Variants in CPLX2 observed in about 807,000 individuals in gnomAD.
CPLX2 encodes the protein complexin-2.
In CPLX2, 5 loss-of-function variants were observed where a neutral mutation model predicts 16.3. The observed-to-expected ratio is 0.31, with a 90% CI of 0.16 to 0.64. The LOEUF is 0.64. CPLX2 is among the 30% of genes least tolerant of loss of function. The pLI is 0.79. For synonymous variants in CPLX2, 89 were observed against 73.2 expected, an observed-to-expected ratio of 1.22 and a Z score of -1.10; for missense variants, 144 against 181.4, an observed-to-expected ratio of 0.79 and a Z score of 1.18.
intron 1 of CPLX2, chr5:175,878,408 G>A (rs1755463724): frequency 2.2e-6 from 1 of 449,312 alleles, no homozygotes; most frequent in African/African-American, 2.0e-5. Flanking sequence ...TGAACAATAG[G>A]GTCAAGATGA....
chr5:175,828,500 C>T (rs748938074), intron 2 of CPLX2, among the ~76,000 whole-genome samples: 8 of 152,122 alleles, frequency 5.3e-5, no homozygotes, highest in Admixed American at 2.6e-4. Flanking sequence ...AATAGACTGC[C>T]GTATAAGCTA....
rs1759638699 is a variant in CPLX2, at chr5:175,872,094, A to C, written c.-89+389A>C. 1 of 152,062 alleles carries C rather than the reference A, an allele frequency of 6.6e-6. No individual in the cohort carries two copies. The highest frequency in any genetic ancestry group is 1.5e-5 in the Non-Finnish European group (1 of 68,054). 9.4% of individuals were successfully genotyped at this position (152,062 alleles called of 1,614,324 possible). ...AACTTTGAGCTCGCGGGAGTGGGGG[A>C]CGTCGATCTAAGCTACTTCTGGCTG... On this transcript the variant is annotated intron_variant, in intron 1 of 3. Coordinates refer to ENST00000393745, the MANE Select transcript of CPLX2 (RefSeq NM_001008220.2). This position sits in a 1 kb window ranked among gnomAD's most constrained non-coding sequence, Gnocchi z 5.0.
chr5:175,856,146 G>C (rs1391590037), intron 2 of CPLX2, among the ~76,000 whole-genome samples: 2 of 152,168 alleles, frequency 1.3e-5, no homozygotes, highest in African/African-American at 4.8e-5. Context: ...TGCGACCTTG[G>C]CAAGTTTCCT....
upstream of CPLX2, among the ~76,000 whole-genome samples, chr5:175,867,653 T>C (rs1234851673): frequency 3.3e-5 from 5 of 151,804 alleles, no homozygotes; most frequent in African/African-American, 9.7e-5. Flanking sequence ...CACGCTGACA[T>C]AGGAGTCACA....
upstream of CPLX2, among the ~76,000 whole-genome samples, chr5:175,868,458 C>T (rs1176407269): frequency 6.6e-6 from 1 of 152,208 alleles, no homozygotes; most frequent in East Asian, 1.9e-4. Flanking sequence ...CCTCCTCCTG[C>T]CCCCAGGGCT....
chr5:175,801,649 A>G (rs1236184187), intron 1 of CPLX2, among the ~76,000 whole-genome samples: 1 of 152,224 alleles, frequency 6.6e-6, no homozygotes, highest in Admixed American at 6.5e-5. Flanking sequence ...GAGTCCAAAG[A>G]CTTATTTCAA....
At chr5:175,844,777 T>C (rs11738108) in intron 2 of CPLX2, among the ~76,000 whole-genome samples, 8,046 of 152,278 alleles carry the variant, frequency 0.053, 309 homozygotes, top group African/African-American at 0.1. Flanking sequence ...GGCGTGGATT[T>C]AAAAAGTGCC....
At chr5:175,855,112 G>T (rs1450895693) in intron 2 of CPLX2, among the ~76,000 whole-genome samples, 1 of 152,182 alleles carries the variant, frequency 6.6e-6, no homozygotes, top group Non-Finnish European at 1.5e-5. Context: ...GAGGACCTGG[G>T]GATTAAAGGG....
In CPLX2 at chr5:175,830,223, C is replaced by T. The variant is rs891068399; in HGVS notation, c.-89+21155C>T. Among the ~76,000 whole-genome samples, 3 of 152,204 alleles carry T rather than the reference C, an allele frequency of 2.0e-5. No homozygotes were observed. The highest frequency in any genetic ancestry group is 7.2e-5 in the African/African-American group (3 of 41,430). On this transcript the variant is annotated intron_variant, in intron 2 of 4. Coordinates refer to the CPLX2 transcript ENST00000359546. The surrounding 1 kb of genome is among the most constrained non-coding windows in gnomAD (Gnocchi z 4.0). Reference sequence around the variant, plus strand: ...GCCACAGAGCTGCCCTGGTTCCCTGCCCCCGGGGGAGCACAGCCCAGCAAG... The same window carrying T: ...GCCACAGAGCTGCCCTGGTTCCCTGTCCCCGGGGGAGCACAGCCCAGCAAG...
At chr5:175,843,976 T>C (rs905059572) in intron 2 of CPLX2, among the ~76,000 whole-genome samples, 13 of 152,236 alleles carry the variant, frequency 8.5e-5, no homozygotes. Flanking sequence ...CCTCCTCATT[T>C]GGGGCCTTGC....
At chr5:175,859,448 G>A (rs1436042433) in intron 2 of CPLX2, among the ~76,000 whole-genome samples, 1 of 152,214 alleles carries the variant, frequency 6.6e-6, no homozygotes, top group East Asian at 1.9e-4. Context: ...CAACTGAGGA[G>A]GACCCCAGGG....
rs144367734 is a variant in CPLX2, at chr5:175,823,004, C to G, written c.-89+13936C>G. ...GAGACAAGAAACACAGGGAAAGGAA[C>G]AGGCTCACGCCTTCTTAGCCCTCAG... On this transcript the variant is annotated intron_variant, in intron 2 of 4. Coordinates refer to the CPLX2 transcript ENST00000359546. Among the ~76,000 whole-genome samples, 105 of 152,374 alleles carry G rather than the reference C, an allele frequency of 6.9e-4. 1 individual carries two copies. The highest frequency in any genetic ancestry group is 2.4e-3 in the African/African-American group (98 of 41,584).
intron 1 of CPLX2, among the ~76,000 whole-genome samples, chr5:175,873,220 C>T (rs1759676716): frequency 6.6e-6 from 1 of 151,084 alleles, no homozygotes. Flanking sequence ...CTGCCGGCAA[C>T]CTGCTGGACC....
At chr5:175,832,113 G>C (rs541669363) in intron 2 of CPLX2, among the ~76,000 whole-genome samples, 83 of 152,186 alleles carry the variant, frequency 5.5e-4, no homozygotes, top group Middle Eastern at 6.8e-3. Context: ...CACCAAAAAG[G>C]TTCCTGGCCC....
At chr5:175,848,221 G>T (rs1486151304) in intron 2 of CPLX2, among the ~76,000 whole-genome samples, 1 of 152,202 alleles carries the variant, frequency 6.6e-6, no homozygotes, top group Non-Finnish European at 1.5e-5. Flanking sequence ...ATTGGTAGGG[G>T]AGAGGAAGGA....
At chr5:175,797,379 CT>C (rs1758007147) in intron 1 of CPLX2, among the ~76,000 whole-genome samples, 1 of 80,892 alleles carries the variant, frequency 1.2e-5, no homozygotes, top group Admixed American at 1.3e-4. Context: ...CGGGGCCCAG[CT>C]AAGAGTGGGC....
intron 1 of CPLX2, 78 bp downstream of exon 1, chr5:175,871,783 G>A (rs895011500): frequency 1.3e-5 from 2 of 152,486 alleles, no homozygotes; most frequent in African/African-American, 4.8e-5. Flanking sequence ...CGAGGCCTTG[G>A]GGCAGCTCGG....
chr5:175,869,515 G>C (rs899481934), upstream of CPLX2, among the ~76,000 whole-genome samples: 3 of 152,166 alleles, frequency 2.0e-5, no homozygotes, highest in African/African-American at 7.2e-5. Context: ...TCTATCGCCA[G>C]CAATAGAAAA....
At chr5:175,827,613 G>T (rs1758642529) in intron 2 of CPLX2, among the ~76,000 whole-genome samples, 1 of 152,170 alleles carries the variant, frequency 6.6e-6, no homozygotes, top group Non-Finnish European at 1.5e-5. Context: ...AATTAGCTGG[G>T]TGTGGTGGTC....
Sources: gnomAD v4.1 joint callset for allele counts (sites outside exome capture counted in the v4.1 genomes callset) on GRCh38, gnomAD v4.1.1 for gene constraint, Gnocchi (gnomAD v3.1) non-coding constraint, MANE v1.5 for transcripts, NCBI Gene and HGNC (gene_info 2026-07-23, HGNC 2026-07-21) for gene names.